Variants in MMS22L observed in about 807,000 individuals in gnomAD.
MMS22L encodes the protein protein MMS22-like.
Under a neutral mutation model 159.1 loss-of-function variants are expected in MMS22L, and 74 were observed. That is an observed-to-expected ratio of 0.47 (90% CI 0.39 to 0.56). The LOEUF (loss-of-function observed/expected upper bound fraction) is 0.56. MMS22L is among the 20% of genes least tolerant of loss of function. MMS22L has a pLI of 0.00. For synonymous variants in MMS22L, 517 were observed against 506.9 expected, an observed-to-expected ratio of 1.02 and a Z score of -0.27; for missense variants, 1,351 against 1,422.1, an observed-to-expected ratio of 0.95 and a Z score of 0.80.
At chr6:97,224,252 ATTC>A in intron 14 of MMS22L, among the ~76,000 whole-genome samples, 1 of 152,292 alleles carries the variant, frequency 6.6e-6, no homozygotes, top group Admixed American at 6.5e-5. Flanking sequence ...TATAATTGTC[ATTC>A]TTCATCATCC....
rs376536500 is a variant in MMS22L at position 97,168,329 on chromosome 6, C to A, written c.2840-89G>T. ...AATTTAAAAATTTGTATTGAAAGCA[C>A]ATGGGACCAAATTAAAGTAGGGAAT... On this transcript the variant is annotated intron_variant, in intron 19 of 24. Coordinates refer to ENST00000683635, the MANE Select transcript of MMS22L (RefSeq NM_001350599.2). 309 of 1,163,630 alleles carry A rather than the reference C, an allele frequency of 2.7e-4. 1 individual carries two copies. In the East Asian group the frequency reaches 7.2e-3, roughly 27 times the overall value. 72.1% of individuals were successfully genotyped at this position (1,163,630 alleles called of 1,614,324 possible).
chr6:97,222,703 G>A (rs1259923959), intron 14 of MMS22L, among the ~76,000 whole-genome samples: 1 of 152,038 alleles, frequency 6.6e-6, no homozygotes, highest in African/African-American at 2.4e-5. Context: ...AAATGAAAAA[G>A]GGGGATGGGG....
intron 4 of MMS22L, among the ~76,000 whole-genome samples, chr6:97,276,961 C>T (rs376277066): frequency 6.6e-6 from 1 of 152,176 alleles, no homozygotes; most frequent in African/African-American, 2.4e-5. Flanking sequence ...AAGTACCTGG[C>T]ATGAACCAGG....
At chr6:97,237,645 A>G (rs1458995448) in intron 11 of MMS22L, among the ~76,000 whole-genome samples, 1 of 152,206 alleles carries the variant, frequency 6.6e-6, no homozygotes, top group Non-Finnish European at 1.5e-5. Flanking sequence ...TAAATGATTC[A>G]TGAACAAAAC....
chr6:97,162,582 A>C (rs1265481513), intron 21 of MMS22L, among the ~76,000 whole-genome samples: 4 of 151,852 alleles, frequency 2.6e-5, no homozygotes, highest in African/African-American at 9.7e-5. Flanking sequence ...ATATCTATTT[A>C]TTTAAGGACT....
At chr6:97,193,832 C>T (rs1274750864) in intron 14 of MMS22L, among the ~76,000 whole-genome samples, 5 of 152,206 alleles carry the variant, frequency 3.3e-5, no homozygotes, top group Non-Finnish European at 7.3e-5. Context: ...AAGATCTCGG[C>T]TCACTGCAAG....
chr6:97,194,441 A>T (rs1806253402), intron 14 of MMS22L, among the ~76,000 whole-genome samples: 1 of 150,938 alleles, frequency 6.6e-6, no homozygotes, highest in South Asian at 2.1e-4. Context: ...TTCCTCATCT[A>T]AAAAAAAAGG....
At chr6:97,211,225 T>C (rs1356428932) in intron 14 of MMS22L, among the ~76,000 whole-genome samples, 1 of 152,144 alleles carries the variant, frequency 6.6e-6, no homozygotes, top group Non-Finnish European at 1.5e-5. Flanking sequence ...CATTTATATA[T>C]AAAAATCCCT....
At chr6:97,181,791 T>G in intron 16 of MMS22L, 113 bp downstream of exon 16, 55 of 1,048,482 alleles carry the variant, frequency 5.2e-5, no homozygotes, top group Non-Finnish European at 6.5e-5. Flanking sequence ...CCTGACAAAG[T>G]GAGAGTATAT....
intron 10 of MMS22L, among the ~76,000 whole-genome samples, chr6:97,250,466 C>T (rs1239459924): frequency 6.6e-6 from 1 of 152,140 alleles, no homozygotes; most frequent in African/African-American, 2.4e-5. Context: ...TTAAAACTGA[C>T]CCCTTGCAAT....
At chr6:97,235,092 C>T (rs1422470913) in intron 11 of MMS22L, among the ~76,000 whole-genome samples, 1 of 152,090 alleles carries the variant, frequency 6.6e-6, no homozygotes, top group African/African-American at 2.4e-5. Context: ...CTGGATTATA[C>T]ATAAAGAGTG....
chr6:97,173,854 A>C (rs1317304900), intron 18 of MMS22L, among the ~76,000 whole-genome samples: 1 of 152,120 alleles, frequency 6.6e-6, no homozygotes, highest in African/African-American at 2.4e-5. Flanking sequence ...GAAGAAGAGG[A>C]AAGGAAATAA....
intron 11 of MMS22L, among the ~76,000 whole-genome samples, chr6:97,244,250 A>G (rs1156737735): frequency 1.3e-5 from 2 of 152,106 alleles, no homozygotes; most frequent in South Asian, 2.1e-4. Context: ...TACAGGGGGG[A>G]CATAAACTTG....
intron 23 of MMS22L, chr6:97,151,523 C>G (rs1392994681): frequency 2.4e-6 from 1 of 415,698 alleles, no homozygotes; most frequent in Non-Finnish European, 4.5e-6. Flanking sequence ...CATGACTGTT[C>G]ATGCAAGATT....
Position 97,145,073 on chromosome 6 carries a change from C to T in MMS22L, c.*1733G>A, listed in dbSNP as rs918046075. The stretch of plus-strand genomic sequence containing the variant: ...ACACACACACACACACACAAAAACA[C>T]ATATACACATAAATAACCTCTTTAA... On this transcript the variant is annotated 3_prime_UTR_variant, in exon 25 of 25. Coordinates refer to ENST00000683635, the MANE Select transcript of MMS22L (RefSeq NM_001350599.2). 8.3e-5 allele frequency: 12 copies of T among 144,630 alleles called. No homozygotes were observed. Among genetic ancestry groups the T allele is most frequent in the Non-Finnish European group, 1.7e-4 (11 of 65,996 alleles). 9.0% of individuals were successfully genotyped at this position (144,630 alleles called of 1,614,324 possible). A position where few individuals can be genotyped will look rare whatever the true frequency, so the allele number is the denominator to read the frequency against.
intron 14 of MMS22L, among the ~76,000 whole-genome samples, chr6:97,211,985 T>C (rs1205601238): frequency 6.6e-6 from 1 of 152,230 alleles, no homozygotes; most frequent in Non-Finnish European, 1.5e-5. Flanking sequence ...TACTGCCACA[T>C]AATCTAATCA....
intron 10 of MMS22L, among the ~76,000 whole-genome samples, chr6:97,250,724 T>C (rs977779552): frequency 6.6e-6 from 1 of 152,196 alleles, no homozygotes; most frequent in Non-Finnish European, 1.5e-5. Flanking sequence ...CAGGTTTACA[T>C]TTTAAACCTA....
intron 10 of MMS22L, chr6:97,253,846 T>C (rs1813494163): frequency 1.3e-5 from 2 of 152,188 alleles, no homozygotes; most frequent in Admixed American, 1.3e-4. Flanking sequence ...ATTTTGAAAA[T>C]ATAGACAAGT....
At chr6:97,255,754 T>G (rs1468863875) in intron 9 of MMS22L, among the ~76,000 whole-genome samples, 1 of 129,064 alleles carries the variant, frequency 7.7e-6, no homozygotes, top group Non-Finnish European at 1.7e-5. Flanking sequence ...TTTCATTATT[T>G]CTATGCATGT....
Sources: allele counts gnomAD v4.1 joint callset (sites outside exome capture counted in the v4.1 genomes callset), GRCh38; gene constraint gnomAD v4.1.1; transcripts MANE v1.5; gene names NCBI Gene and HGNC (gene_info 2026-07-23, HGNC 2026-07-21).